The following FBXL17 variants were observed in gnomAD, a reference collection of about 807,000 sequenced individuals.
The protein encoded by FBXL17 is F-box and leucine rich repeat protein 17, also known as F-box/LRR-repeat protein 17.
In FBXL17, 22 loss-of-function variants were observed where a neutral mutation model predicts 66.2. That is an observed-to-expected ratio of 0.33 (90% CI 0.24 to 0.47). The LOEUF (loss-of-function observed/expected upper bound fraction) is 0.47, where lower values mean the gene tolerates loss of function less well. Among genes scored for constraint, FBXL17 ranks in the 20% least tolerant of loss-of-function variants. The pLI is 1.00. For missense variants in FBXL17, 878 were observed against 948.2 expected (o/e 0.93, Z 0.97); for synonymous variants, 474 against 400.5 (o/e 1.18, Z -2.19).
chr5:108,134,209 CA>C (rs1751045682), intron 6 of FBXL17, among the ~76,000 whole-genome samples: 1 of 152,006 alleles, frequency 6.6e-6, no homozygotes, highest in Non-Finnish European at 1.5e-5. Context: ...ATTATGTGAA[CA>C]AAAAACCCCC....
chr5:108,069,810 A>G (rs1422467834), intron 6 of FBXL17, among the ~76,000 whole-genome samples: 1 of 152,234 alleles, frequency 6.6e-6, no homozygotes, highest in Non-Finnish European at 1.5e-5. Flanking sequence ...AACCTTCCTC[A>G]TGCAGATGCC....
Position 108,155,372 on chromosome 5 carries a change from G to A in FBXL17, c.1745+30745C>T, listed in dbSNP as rs541632070. Reference sequence around the variant, plus strand: ...TCTACTAAAAATACAAAAATTAGCCGGGCGTGGTGGCACGTGCCTGTAATC... The same window carrying A: ...TCTACTAAAAATACAAAAATTAGCCAGGCGTGGTGGCACGTGCCTGTAATC... On this transcript the variant is annotated intron_variant, in intron 6 of 8. Coordinates refer to ENST00000542267, the MANE Select transcript of FBXL17 (RefSeq NM_001163315.3). 6.6e-5 allele frequency among the ~76,000 whole-genome samples: 10 copies of A among 152,122 alleles called. No individual in the cohort carries two copies. The East Asian group carries it at 9.7e-4, about 15-fold the overall frequency.
intron 6 of FBXL17, among the ~76,000 whole-genome samples, chr5:108,138,943 T>C (rs1198350037): frequency 2.6e-5 from 4 of 152,224 alleles, no homozygotes; most frequent in African/African-American, 4.8e-5. Flanking sequence ...TGGGTAAGAA[T>C]TGCCTCAGAT....
chr5:108,347,360 T>C (rs1287465893), intron 4 of FBXL17, among the ~76,000 whole-genome samples: 1 of 152,178 alleles, frequency 6.6e-6, no homozygotes, highest in African/African-American at 2.4e-5. Context: ...AACCCAAACA[T>C]TGTTATATGG....
At chr5:108,339,207 G>A (rs539867026) in intron 4 of FBXL17, among the ~76,000 whole-genome samples, 21 of 152,254 alleles carry the variant, frequency 1.4e-4, no homozygotes, top group Admixed American at 7.8e-4. Flanking sequence ...CTGGGAATAA[G>A]TCTTGGATAT....
At chr5:107,864,501 T>C (rs1748218208) in intron 8 of FBXL17, among the ~76,000 whole-genome samples, 1 of 152,216 alleles carries the variant, frequency 6.6e-6, no homozygotes, top group African/African-American at 2.4e-5. Context: ...TGGATATTTG[T>C]CCCCTTCCCA....
At position 107,978,519 on chromosome 5, in the gene FBXL17, G is replaced by A. The variant is rs1352795812; in HGVS notation, c.1822+42406C>T. 2.6e-5 allele frequency among the ~76,000 whole-genome samples: 4 copies of A among 152,232 alleles called. No individual in the cohort carries two copies. In the South Asian group the frequency reaches 8.3e-4, roughly 32 times the overall value. ...CTGTAGATAACATCACTATTGTAGA[G>A]CCTAAAATTGACCTTTCGAGATGTT... On this transcript the variant is annotated intron_variant, in intron 7 of 8. Transcript: ENST00000542267.
intron 4 of FBXL17, among the ~76,000 whole-genome samples, chr5:108,265,868 G>A (rs924431016): frequency 2.6e-5 from 4 of 152,108 alleles, no homozygotes; most frequent in Non-Finnish European, 5.9e-5. Flanking sequence ...TTTAAGTAAT[G>A]CCGGTATACT....
rs192924989 is a variant in FBXL17, at chr5:108,341,512, G to A, written c.1506+6887C>T. On this transcript the variant is annotated intron_variant, in intron 4 of 8. Coordinates refer to ENST00000542267, the MANE Select transcript of FBXL17 (RefSeq NM_001163315.3). Reference sequence around the variant, plus strand: ...ACAACTGTCAATTTATGGGTGACAGGCATACAGCTGTTATTACTCCTTTTT... The same window carrying A: ...ACAACTGTCAATTTATGGGTGACAGACATACAGCTGTTATTACTCCTTTTT... Among the ~76,000 whole-genome samples, 1,369 of 152,052 alleles carry A rather than the reference G, an allele frequency of 9.0e-3. 21 individuals carry two copies. Among genetic ancestry groups the A allele is most frequent in the African/African-American group, 0.03 (1,243 of 41,500 alleles).
chr5:108,138,943 T>G (rs1198350037), intron 6 of FBXL17, among the ~76,000 whole-genome samples: 1 of 152,224 alleles, frequency 6.6e-6, no homozygotes, highest in African/African-American at 2.4e-5. Context: ...TGGGTAAGAA[T>G]TGCCTCAGAT....
intron 6 of FBXL17, among the ~76,000 whole-genome samples, chr5:108,114,000 T>C (rs1325734369): frequency 6.6e-6 from 1 of 152,232 alleles, no homozygotes. Flanking sequence ...TGTATAATTA[T>C]TAATTTTGAG....
intron 4 of FBXL17, among the ~76,000 whole-genome samples, chr5:108,259,824 A>G (rs575532789): frequency 1.3e-5 from 2 of 152,312 alleles, no homozygotes; most frequent in African/African-American, 4.8e-5. Context: ...AGCAAGCAAT[A>G]GATTATTATT....
At chr5:108,033,985 T>C (rs938420532) in intron 6 of FBXL17, among the ~76,000 whole-genome samples, 1 of 152,208 alleles carries the variant, frequency 6.6e-6, no homozygotes, top group African/African-American at 2.4e-5. Flanking sequence ...AAAATATATA[T>C]GTGTCATATA....
chr5:108,018,971 A>C (rs1754484744), intron 7 of FBXL17, among the ~76,000 whole-genome samples: 1 of 152,178 alleles, frequency 6.6e-6, no homozygotes, highest in African/African-American at 2.4e-5. Context: ...AGAAACACTG[A>C]ACTAAAATAA....
intron 7 of FBXL17, among the ~76,000 whole-genome samples, chr5:107,889,010 C>A (rs947722797): frequency 3.3e-5 from 5 of 150,656 alleles, no homozygotes; most frequent in Non-Finnish European, 7.4e-5. Context: ...GGTAATGTGT[C>A]TCTCTTGGAT....
chr5:108,330,627 A>G (rs1233676757), intron 4 of FBXL17, among the ~76,000 whole-genome samples: 1 of 152,158 alleles, frequency 6.6e-6, no homozygotes, highest in Non-Finnish European at 1.5e-5. Flanking sequence ...ATAAAGTACC[A>G]AGGGAACAAA....
chr5:108,378,460 G>T (rs920952485), intron 1 of FBXL17, among the ~76,000 whole-genome samples: 1 of 152,006 alleles, frequency 6.6e-6, no homozygotes, highest in African/African-American at 2.4e-5. Flanking sequence ...TAATTTCTAA[G>T]AATGTTTTCC....
At chr5:108,146,019 C>T (rs1751543418) in intron 6 of FBXL17, among the ~76,000 whole-genome samples, 1 of 151,908 alleles carries the variant, frequency 6.6e-6, no homozygotes, top group African/African-American at 2.4e-5. Flanking sequence ...GAGATCGAAA[C>T]CATCCTGGCT....
At chr5:108,272,752 CTATTA>C (rs1376553732) in intron 4 of FBXL17, among the ~76,000 whole-genome samples, 6 of 152,190 alleles carry the variant, frequency 3.9e-5, no homozygotes, top group African/African-American at 1.4e-4. Flanking sequence ...CATCAGAAAC[CTATTA>C]TATATATGAC....
Sources: gnomAD v4.1 joint callset for allele counts (sites outside exome capture counted in the v4.1 genomes callset) on GRCh38, gnomAD v4.1.1 for gene constraint, MANE v1.5 for transcripts, NCBI Gene and HGNC (gene_info 2026-07-23, HGNC 2026-07-21) for gene names.